Variants in CNTN5 observed in about 807,000 individuals in gnomAD.
CNTN5 encodes contactin-5.
Under a neutral mutation model 129.1 loss-of-function variants are expected in CNTN5, and 77 were observed. The observed-to-expected ratio is 0.60, with a 90% CI of 0.50 to 0.72. The LOEUF is 0.72. Ranked by LOEUF, CNTN5 falls within the 30% of genes least tolerant of loss-of-function variation. CNTN5 has a pLI of 0.00. For missense variants in CNTN5, 1,478 were observed against 1,328.8 expected, an observed-to-expected ratio of 1.11 and a Z score of -1.75; for synonymous variants, 509 against 465.6, an observed-to-expected ratio of 1.09 and a Z score of -1.20.
intron 7 of CNTN5, among the ~76,000 whole-genome samples, chr11:99,930,463 C>T (rs977294626): frequency 2.0e-5 from 3 of 152,208 alleles, no homozygotes; most frequent in South Asian, 2.1e-4. Context: ...TCCTTCCCCT[C>T]GTGCCAGTCT....
intron 9 of CNTN5, among the ~76,000 whole-genome samples, chr11:100,056,901 C>T (rs578017275): frequency 3.3e-5 from 5 of 151,610 alleles, no homozygotes; most frequent in Non-Finnish European, 7.4e-5. Flanking sequence ...ATCTGAATGA[C>T]AACTAACAAA....
chr11:99,484,476 C>T (rs188972160), intron 2 of CNTN5, among the ~76,000 whole-genome samples: 1 of 152,216 alleles, frequency 6.6e-6, no homozygotes, highest in East Asian at 1.9e-4. Flanking sequence ...ATGAAAATTC[C>T]TCAGAAAAAC....
intron 3 of CNTN5, among the ~76,000 whole-genome samples, chr11:99,581,640 G>T (rs964154288): frequency 6.6e-6 from 1 of 152,134 alleles, no homozygotes; most frequent in African/African-American, 2.4e-5. Flanking sequence ...TTTTATCCGA[G>T]ACTAGGATTG....
In CNTN5 at chr11:99,348,704, C is replaced by G. The variant is rs138249355; in HGVS notation, c.-71+23220C>G. 2.0e-5 allele frequency among the ~76,000 whole-genome samples: 3 copies of G among 152,160 alleles called. No homozygotes were observed. The East Asian group carries it at 5.8e-4, about 29-fold the overall frequency. Reference sequence around the variant, plus strand: ...GATAATCTTAAGTTTCTTAATTTTCCAGTTGACAGTGTGTATGTGTGTGTA... The same window carrying G: ...GATAATCTTAAGTTTCTTAATTTTCGAGTTGACAGTGTGTATGTGTGTGTA... On this transcript the variant is annotated intron_variant, in intron 2 of 24. Transcript: ENST00000524871.
At chr11:99,578,177 CATAGT>C (rs1273624375) in intron 3 of CNTN5, among the ~76,000 whole-genome samples, 1 of 152,044 alleles carries the variant, frequency 6.6e-6, no homozygotes. Flanking sequence ...TTCATGGCTG[CATAGT>C]ATTCCATGGT....
intron 1 of CNTN5, among the ~76,000 whole-genome samples, chr11:99,081,276 G>A (rs1865785872): frequency 1.3e-5 from 2 of 152,018 alleles, no homozygotes; most frequent in Non-Finnish European, 2.9e-5. Context: ...TTTTTATTGA[G>A]TGGAACTCTT....
intron 1 of CNTN5, among the ~76,000 whole-genome samples, chr11:99,237,849 C>A (rs1861358234): frequency 6.6e-6 from 1 of 152,136 alleles, no homozygotes. Flanking sequence ...TTACTTTACT[C>A]TTGCATTTTA....
At chr11:99,031,065 G>A (rs1291253950) in intron 1 of CNTN5, among the ~76,000 whole-genome samples, 2 of 152,088 alleles carry the variant, frequency 1.3e-5, no homozygotes, top group African/African-American at 4.8e-5. Context: ...CCAAAGTGCT[G>A]GGATTACAGG....
At chr11:99,453,041 T>G (rs1179230743) in intron 2 of CNTN5, among the ~76,000 whole-genome samples, 2 of 152,190 alleles carry the variant, frequency 1.3e-5, no homozygotes, top group Non-Finnish European at 2.9e-5. Context: ...GTGCTGTTAG[T>G]CACTTTGTAA....
chr11:99,966,561 T>C (rs1282356574), intron 8 of CNTN5, among the ~76,000 whole-genome samples: 1 of 152,178 alleles, frequency 6.6e-6, no homozygotes, highest in Non-Finnish European at 1.5e-5. Flanking sequence ...AGCACTTAAC[T>C]CTCTTGTTCT....
intron 9 of CNTN5, among the ~76,000 whole-genome samples, chr11:100,028,283 A>G (rs965072790): frequency 6.6e-6 from 1 of 152,204 alleles, no homozygotes; most frequent in Admixed American, 6.5e-5. Flanking sequence ...CCAAGTGACA[A>G]GAGAAAAATA....
At chr11:99,558,078 A>G (rs1472858191) in intron 3 of CNTN5, 1 of 161,332 alleles carries the variant, frequency 6.2e-6, no homozygotes, top group African/African-American at 2.4e-5. Flanking sequence ...CATCTATGAC[A>G]TGAAAAGGTA....
chr11:100,190,012 C>G (rs967596301), intron 13 of CNTN5, among the ~76,000 whole-genome samples: 1 of 151,646 alleles, frequency 6.6e-6, no homozygotes, highest in Non-Finnish European at 1.5e-5. Flanking sequence ...TCAATTGTTA[C>G]GAAGTTCAAT....
At chr11:99,285,269 C>G (rs1280478770) in intron 1 of CNTN5, among the ~76,000 whole-genome samples, 1 of 152,038 alleles carries the variant, frequency 6.6e-6, no homozygotes, top group Non-Finnish European at 1.5e-5. Context: ...TTAAAACCTG[C>G]CAATTAATTT....
chr11:99,830,664 T>C (rs558646107), intron 4 of CNTN5, among the ~76,000 whole-genome samples: 2 of 152,300 alleles, frequency 1.3e-5, no homozygotes, highest in South Asian at 4.1e-4. Context: ...AATTTAAAAA[T>C]TGAGACCATA....
chr11:99,793,297 G>A (rs1442580445), intron 3 of CNTN5, among the ~76,000 whole-genome samples: 1 of 152,140 alleles, frequency 6.6e-6, no homozygotes, highest in Non-Finnish European at 1.5e-5. Flanking sequence ...CTGACCTCGT[G>A]ATCCACCTGC....
intron 18 of CNTN5, among the ~76,000 whole-genome samples, chr11:100,275,214 T>C (rs549789538): frequency 7.9e-5 from 12 of 152,364 alleles, no homozygotes; most frequent in South Asian, 2.1e-4. Flanking sequence ...ACCTTTTCAA[T>C]AGCATGAATT....
chr11:99,181,283 G>A (rs902962141), intron 1 of CNTN5, among the ~76,000 whole-genome samples: 1 of 152,196 alleles, frequency 6.6e-6, no homozygotes, highest in Non-Finnish European at 1.5e-5. Context: ...AGGGCGCCCA[G>A]GGAACAGGAA....
At chr11:99,659,234 A>T (rs1480069741) in intron 3 of CNTN5, among the ~76,000 whole-genome samples, 1 of 152,118 alleles carries the variant, frequency 6.6e-6, no homozygotes, top group East Asian at 1.9e-4. Context: ...CTGAATGAGT[A>T]ATAAAAGAAA....
Sources: gnomAD v4.1 joint callset for allele counts (sites outside exome capture counted in the v4.1 genomes callset) on GRCh38, gnomAD v4.1.1 for gene constraint, MANE v1.5 for transcripts, NCBI Gene and HGNC (gene_info 2026-07-23, HGNC 2026-07-21) for gene names.